The following SEMA3C variants were observed in gnomAD, a reference collection of about 807,000 sequenced individuals.
The protein encoded by SEMA3C is semaphorin-3C.
SEMA3C carries 47 observed loss-of-function variants against 89.4 expected under a neutral mutation model. That is an observed-to-expected ratio of 0.53 (90% CI 0.42 to 0.67). SEMA3C has a LOEUF of 0.67. Ranked by LOEUF, SEMA3C falls within the 30% of genes least tolerant of loss-of-function variation. The pLI, the probability that SEMA3C is intolerant of heterozygous loss-of-function variation, is 0.00. For missense variants in SEMA3C, 839 were observed against 929.1 expected, an observed-to-expected ratio of 0.90 and a Z score of 1.26; for synonymous variants, 310 against 320.2, an observed-to-expected ratio of 0.97 and a Z score of 0.34.
At chr7:80,766,646 A>G (rs1397435866) in intron 12 of SEMA3C, among the ~76,000 whole-genome samples, 1 of 114,054 alleles carries the variant, frequency 8.8e-6, no homozygotes, top group Non-Finnish European at 1.8e-5. Flanking sequence ...GTTTTGTCCA[A>G]TTCTTTCCTC....
At chr7:80,791,961 G>T (rs2115600888) in intron 11 of SEMA3C, among the ~76,000 whole-genome samples, 1 of 152,190 alleles carries the variant, frequency 6.6e-6, no homozygotes, top group Admixed American at 6.5e-5. Context: ...TACCAGACTA[G>T]AACTTTTTAC....
intron 2 of SEMA3C, among the ~76,000 whole-genome samples, chr7:80,863,339 T>TA (rs61621477): frequency 0.023 from 3,008 of 128,050 alleles, 89 homozygotes; most frequent in East Asian, 0.18. Context: ...ATCAAAATAT[T>TA]AAAAAAAAAA....
intron 12 of SEMA3C, among the ~76,000 whole-genome samples, chr7:80,771,487 A>T (rs1333980240): frequency 6.6e-6 from 1 of 152,172 alleles, no homozygotes; most frequent in Non-Finnish European, 1.5e-5. Flanking sequence ...ATTTTATACT[A>T]TCTAATTTTT....
chr7:80,767,245 G>A (rs1248855199), intron 12 of SEMA3C, among the ~76,000 whole-genome samples: 1 of 152,170 alleles, frequency 6.6e-6, no homozygotes, highest in African/African-American at 2.4e-5. Flanking sequence ...TTTGCTGCCA[G>A]TAACAAGTTG....
upstream of SEMA3C, among the ~76,000 whole-genome samples, chr7:80,921,704 G>A (rs1036315256): frequency 5.3e-5 from 8 of 152,144 alleles, no homozygotes; most frequent in African/African-American, 1.2e-4. Flanking sequence ...CAGACGAGCG[G>A]CCAAACTAAA....
At chr7:80,892,370 G>GT (rs1791635786) in intron 2 of SEMA3C, among the ~76,000 whole-genome samples, 1 of 151,802 alleles carries the variant, frequency 6.6e-6, no homozygotes, top group African/African-American at 2.4e-5. Flanking sequence ...GAATTTCTTT[G>GT]TTTTTTTCTA....
At chr7:80,828,816 T>G in intron 2 of SEMA3C, 71 bp from the exon 3 acceptor site, 1 of 1,182,932 alleles carries the variant, frequency 8.5e-7, no homozygotes, top group Non-Finnish European at 1.2e-6. Context: ...TAATAAAAAC[T>G]ATTATGCAAA....
chr7:80,832,682 G>A (rs1309365468), intron 2 of SEMA3C, among the ~76,000 whole-genome samples: 1 of 152,094 alleles, frequency 6.6e-6, no homozygotes, highest in Non-Finnish European at 1.5e-5. Flanking sequence ...GATGATTGCA[G>A]CAATTGCATC....
rs577834910 is a variant in SEMA3C at position 80,872,774 on chromosome 7, C to T, written c.103+43905G>A. Among the ~76,000 whole-genome samples, 14 of 134,914 alleles carry T rather than the reference C, an allele frequency of 1.0e-4. No individual in the cohort carries two copies. In the South Asian group the frequency reaches 2.6e-3, roughly 25 times the overall value. 88.5% of individuals were successfully genotyped at this position (134,914 alleles called of 152,430 possible). A position where few individuals can be genotyped will look rare whatever the true frequency, so the allele number is the denominator to read the frequency against. On this transcript the variant is annotated intron_variant, in intron 2 of 17. Transcript: ENST00000265361. The stretch of plus-strand genomic sequence containing the variant: ...CAAGATCACACTACTGCACTCCAGC[C>T]TGGCAACAGAGCGAGACTCTGTCAA...
In SEMA3C at chr7:80,852,902, T is replaced by C. The variant is rs557881678; in HGVS notation, c.104-24157A>G. Among the ~76,000 whole-genome samples the C allele has an allele frequency of 4.2e-3, 632 of 152,004 alleles. 1 individual carries two copies. The highest frequency in any genetic ancestry group is 0.01 in the Middle Eastern group (3 of 294). ...ACCATGTTAGCCAGGATGGTCTCGA[T>C]CTCCTGACCTCGTGATCCGCCCGCC... On this transcript the variant is annotated intron_variant, in intron 2 of 17. Transcript: ENST00000265361.
chr7:80,894,442 G>T (rs956134437), intron 2 of SEMA3C, among the ~76,000 whole-genome samples: 5 of 151,932 alleles, frequency 3.3e-5, no homozygotes, highest in Admixed American at 2.6e-4. Flanking sequence ...AATATTACAA[G>T]AATTTTTTTT....
chr7:80,852,508 G>A (rs908188593), intron 2 of SEMA3C, among the ~76,000 whole-genome samples: 4 of 152,010 alleles, frequency 2.6e-5, no homozygotes, highest in Non-Finnish European at 4.4e-5. Context: ...GTTTCTGCAC[G>A]CAAAGGAAAC....
chr7:80,826,772 C>G (rs916271833), intron 4 of SEMA3C, among the ~76,000 whole-genome samples: 1 of 152,090 alleles, frequency 6.6e-6, no homozygotes, highest in Non-Finnish European at 1.5e-5. Context: ...CATTAAAGAT[C>G]TGCTCCACGT....
At chr7:80,857,117 T>G (rs1450600717) in intron 2 of SEMA3C, among the ~76,000 whole-genome samples, 1 of 152,170 alleles carries the variant, frequency 6.6e-6, no homozygotes, top group African/African-American at 2.4e-5. Flanking sequence ...AAGTGTCTCA[T>G]GACCTCCACC....
At chr7:80,849,675 G>C (rs1790467203) in intron 2 of SEMA3C, among the ~76,000 whole-genome samples, 1 of 152,108 alleles carries the variant, frequency 6.6e-6, no homozygotes, top group South Asian at 2.1e-4. Context: ...AGAAGTTTAA[G>C]TATAAAGTTA....
Position 80,744,639 on chromosome 7 carries a change from G to A in SEMA3C, c.*255C>T. ...CCACCATATCGATTTTGAAGAAAAGGTGAATAAAGATATAAATAAAATCTG... is the reference window on the plus strand; with the variant it reads ...CCACCATATCGATTTTGAAGAAAAGATGAATAAAGATATAAATAAAATCTG... On this transcript the variant is annotated 3_prime_UTR_variant, in exon 18 of 18. Transcript: ENST00000265361. 2.0e-6 allele frequency: 1 copy of A among 491,604 alleles called. No homozygotes were observed. The highest frequency in any genetic ancestry group is 3.6e-6 in the Non-Finnish European group (1 of 277,818). The allele number at this position is 491,604 out of a possible 1,614,324, so 30.5% of individuals were successfully genotyped here.
upstream of SEMA3C, chr7:80,919,345 G>C (rs1792363270): frequency 2.0e-6 from 2 of 985,196 alleles, no homozygotes; most frequent in South Asian, 9.4e-5. Context: ...TGCTCCTTTC[G>C]CAGTCCGCGG....
Position 80,744,934 on chromosome 7 carries a change from C to T in SEMA3C, c.2216G>A (p.Arg739Gln), listed in dbSNP as rs552613702. ...CTGATTCCTCCTGTTTCTACTTTTC[C>T]GACTATTGATGAGGGCCTTTAACTT... ...YGKLKALINS[R>Q]KSRNRRNQLP... is the part of the protein sequence containing the mutation. The change falls in exon 18 of 18, where the codon CGG (arginine) becomes CAG (glutamine). Residue 739 changes from arginine (R) to glutamine (Q), a missense_variant. Coordinates refer to ENST00000265361, the MANE Select transcript of SEMA3C (RefSeq NM_006379.5). 83 of 1,614,002 alleles carry T rather than the reference C, an allele frequency of 5.1e-5. No individual in the cohort carries two copies. The highest frequency in any genetic ancestry group is 3.2e-4 in the South Asian group (29 of 91,088).
chr7:80,765,241 G>A lies in SEMA3C; in HGVS notation c.1357C>T (p.Arg453Trp), dbSNP rs147463830. ...ACAACCACTTTTTGCACAGTACCCCGATCTAAATTAAAAAAAGAAGAAATG... is the reference window on the plus strand; with the variant it reads ...ACAACCACTTTTTGCACAGTACCCCAATCTAAATTAAAAAAAGAAGAAATG... ...RYHVLFLGTD[R>W]GTVQKVVVLP... Residue 453 changes from arginine (R) to tryptophan (W), a missense_variant and splice_region_variant, in exon 13 of 18, where the codon CGG becomes TGG. Arg to Trp is a moderately radical substitution (Grantham distance 101). Transcript: ENST00000265361. The A allele has an allele frequency of 1.3e-5, 21 of 1,607,238 alleles. No homozygotes were observed. The highest frequency in any genetic ancestry group is 1.7e-4 in the Middle Eastern group (1 of 6,034).
Sources: allele counts gnomAD v4.1 joint callset (sites outside exome capture counted in the v4.1 genomes callset), GRCh38; gene constraint gnomAD v4.1.1; transcripts MANE v1.5; gene names NCBI Gene and HGNC (gene_info 2026-07-23, HGNC 2026-07-21).